Variants in NEK11 observed in about 807,000 individuals in gnomAD.
The protein encoded by NEK11 is NIMA related kinase 11.
A neutral mutation model predicts 80.7 loss-of-function variants in NEK11; 72 were observed. The observed-to-expected ratio is 0.89, with a 90% confidence interval of 0.74 to 1.08. The LOEUF (loss-of-function observed/expected upper bound fraction) is 1.08. NEK11 is among the 50% of genes least tolerant of loss of function. NEK11 has a pLI of 0.00. For synonymous variants in NEK11, 251 were observed against 260.7 expected, an observed-to-expected ratio of 0.96 and a Z score of 0.36; for missense variants, 764 against 763.6, an observed-to-expected ratio of 1.00 and a Z score of -0.01.
At chr3:131,274,540 T>A (rs1169487360) in intron 17 of NEK11, among the ~76,000 whole-genome samples, 3 of 151,308 alleles carry the variant, frequency 2.0e-5, no homozygotes, top group Non-Finnish European at 4.4e-5. Flanking sequence ...CTACACTGAC[T>A]TCCACAATGG....
At chr3:131,178,533 T>C (rs1372539209) in intron 14 of NEK11, among the ~76,000 whole-genome samples, 1 of 152,212 alleles carries the variant, frequency 6.6e-6, no homozygotes, top group Non-Finnish European at 1.5e-5. Context: ...AACACACATA[T>C]TAGCCTAGGC....
chr3:131,177,420 A>G (rs1464437596), intron 14 of NEK11, among the ~76,000 whole-genome samples: 2 of 152,162 alleles, frequency 1.3e-5, no homozygotes, highest in African/African-American at 4.8e-5. Flanking sequence ...AGTAACATAC[A>G]TGTCTGTTAC....
intron 12 of NEK11, among the ~76,000 whole-genome samples, chr3:131,166,128 A>C (rs376138620): frequency 2.6e-5 from 4 of 152,334 alleles, no homozygotes; most frequent in African/African-American, 7.2e-5. Flanking sequence ...TCTGATTAAT[A>C]AGGTGGTCTT....
chr3:131,293,110 T>C (rs2096560290), intron 17 of NEK11, among the ~76,000 whole-genome samples: 1 of 152,176 alleles, frequency 6.6e-6, no homozygotes. Flanking sequence ...TAGCTAGAAC[T>C]TCCAGTACAA....
At chr3:131,058,175 G>T (rs1368798339) in intron 3 of NEK11, among the ~76,000 whole-genome samples, 4 of 152,042 alleles carry the variant, frequency 2.6e-5, no homozygotes, top group Non-Finnish European at 5.9e-5. Flanking sequence ...TTTTTCTCAG[G>T]TTTGTCAAAG....
At chr3:131,061,600 A>G (rs1460391116) in intron 3 of NEK11, among the ~76,000 whole-genome samples, 2 of 151,744 alleles carry the variant, frequency 1.3e-5, no homozygotes, top group African/African-American at 2.4e-5. Flanking sequence ...AGGGAAAACA[A>G]GATTTCACCA....
At chr3:131,337,996 G>A (rs1189033330) in intron 17 of NEK11, among the ~76,000 whole-genome samples, 2 of 151,996 alleles carry the variant, frequency 1.3e-5, no homozygotes, top group Non-Finnish European at 2.9e-5. Context: ...AGGCTGGAGG[G>A]CAGTGGCGTG....
chr3:131,248,027 A>G (rs554986179), intron 16 of NEK11, among the ~76,000 whole-genome samples: 34 of 152,224 alleles, frequency 2.2e-4, no homozygotes, highest in Non-Finnish European at 3.5e-4. Flanking sequence ...GTATAAGATC[A>G]TATGATCAGC....
intron 17 of NEK11, among the ~76,000 whole-genome samples, chr3:131,340,621 A>G (rs1162436485): frequency 6.6e-6 from 1 of 152,200 alleles, no homozygotes; most frequent in African/African-American, 2.4e-5. Flanking sequence ...TCAGCAAGGG[A>G]GTCAGCCAAA....
intron 14 of NEK11, among the ~76,000 whole-genome samples, chr3:131,211,603 A>G (rs991231044): frequency 8.5e-5 from 13 of 152,192 alleles, no homozygotes; most frequent in Admixed American, 4.6e-4. Flanking sequence ...TTTCAGTTAC[A>G]CCAATCAAAC....
chr3:131,177,129 T>G (rs1387343707), intron 14 of NEK11, among the ~76,000 whole-genome samples: 2 of 152,210 alleles, frequency 1.3e-5, no homozygotes, highest in Non-Finnish European at 2.9e-5. Context: ...CATGCAGGTT[T>G]CACAGTTGTG....
rs774574584 is a variant in NEK11, at chr3:131,133,920, T to C, written c.611T>C (p.Leu204Pro). The C allele has an allele frequency of 6.2e-7, 1 of 1,611,890 alleles. No homozygotes were observed. The highest frequency in any genetic ancestry group is 1.1e-5 in the South Asian group (1 of 90,634). ...CCCCATTATATGAGTCCTGAGGCTC[T>C]GAAACACCAAGGCTATGACACAAAG... is the stretch of plus-strand genomic sequence containing the variant. ...GTPHYMSPEALKHQGYDTKSD... is the reference protein window; with the variant it reads ...GTPHYMSPEAPKHQGYDTKSD... The change falls in exon 7 of 18, where the codon CTG becomes CCG. Residue 204 changes from leucine (L) to proline (P), a missense_variant. Physicochemically the swap from Leu to Pro is moderately conservative, Grantham distance 98. Transcript: ENST00000383366.
chr3:131,141,769 C>T (rs966986347), intron 7 of NEK11, among the ~76,000 whole-genome samples: 1 of 152,092 alleles, frequency 6.6e-6, no homozygotes, highest in Non-Finnish European at 1.5e-5. Context: ...TCAGGTTCTT[C>T]TGATTAGCTG....
At chr3:131,257,818 C>T (rs995168329) in intron 16 of NEK11, among the ~76,000 whole-genome samples, 1 of 152,134 alleles carries the variant, frequency 6.6e-6, no homozygotes, top group African/African-American at 2.4e-5. Flanking sequence ...AATCTCACTA[C>T]TGGGTATCTA....
chr3:131,346,917 G>A (rs1428405235), intron 17 of NEK11, among the ~76,000 whole-genome samples: 1 of 152,186 alleles, frequency 6.6e-6, no homozygotes, highest in Admixed American at 6.5e-5. Context: ...TGAATGCGAG[G>A]CAGTTCAAAA....
chr3:131,288,875 T>C (rs1226579910), intron 17 of NEK11, among the ~76,000 whole-genome samples: 1 of 152,256 alleles, frequency 6.6e-6, no homozygotes, highest in Non-Finnish European at 1.5e-5. Context: ...TATGTTCTTT[T>C]AGGCTTCCTC....
At chr3:131,079,756 C>G (rs1360404369) in intron 3 of NEK11, among the ~76,000 whole-genome samples, 1 of 151,854 alleles carries the variant, frequency 6.6e-6, no homozygotes, top group African/African-American at 2.4e-5. Context: ...GTTAATTTTT[C>G]CTGTTAAATA....
intron 16 of NEK11, among the ~76,000 whole-genome samples, chr3:131,273,015 TG>T (rs2096227398): frequency 6.6e-6 from 1 of 152,200 alleles, no homozygotes; most frequent in Non-Finnish European, 1.5e-5. Context: ...GTCAGCATTT[TG>T]CTTTCCATTG....
At chr3:131,130,145 G>A (rs1344130373) in intron 5 of NEK11, among the ~76,000 whole-genome samples, 2 of 151,754 alleles carry the variant, frequency 1.3e-5, no homozygotes, top group Non-Finnish European at 2.9e-5. Context: ...TATAGATCTT[G>A]TACATATTTT....
Sources: gnomAD v4.1 joint callset for allele counts (sites outside exome capture counted in the v4.1 genomes callset) on GRCh38, gnomAD v4.1.1 for gene constraint, MANE v1.5 for transcripts, NCBI Gene and HGNC (gene_info 2026-07-23, HGNC 2026-07-21) for gene names.